The following CDKAL1 variants were observed in gnomAD, a reference collection of about 807,000 sequenced individuals.
CDKAL1 encodes CDKAL1 threonylcarbamoyladenosine tRNA methylthiotransferase.
CDKAL1 carries 32 observed loss-of-function variants against 68.2 expected under a neutral mutation model. The ratio of observed to expected loss-of-function variants is 0.47; its 90% CI spans 0.35 to 0.63. The LOEUF is 0.63. CDKAL1 is among the 30% of genes least tolerant of loss of function. The probability of loss-of-function intolerance (pLI) is 0.00; values close to 1 mark genes in which losing one functional copy is unlikely to be tolerated. For missense variants in CDKAL1, 606 were observed against 696.7 expected (o/e 0.87, Z 1.47); for synonymous variants, 234 against 244.3 (o/e 0.96, Z 0.39).
intron 9 of CDKAL1, among the ~76,000 whole-genome samples, chr6:20,937,857 G>A (rs1222823394): frequency 2.7e-5 from 2 of 72,916 alleles, no homozygotes; most frequent in East Asian, 1.1e-3. Context: ...CCACTGTGAG[G>A]TGGTTTTTTT....
chr6:21,156,278 G>T (rs1020189133), intron 13 of CDKAL1, among the ~76,000 whole-genome samples: 1 of 151,822 alleles, frequency 6.6e-6, no homozygotes, highest in Non-Finnish European at 1.5e-5. Flanking sequence ...TAAAAAATTA[G>T]CTGGGCATGG....
intron 13 of CDKAL1, among the ~76,000 whole-genome samples, chr6:21,183,579 A>C (rs937476113): frequency 2.0e-5 from 3 of 152,228 alleles, no homozygotes; most frequent in African/African-American, 7.2e-5. Context: ...AAAGACGTCC[A>C]GTAGTAATGT....
At chr6:21,197,800 A>G (rs1349077087) in intron 13 of CDKAL1, among the ~76,000 whole-genome samples, 2 of 152,364 alleles carry the variant, frequency 1.3e-5, no homozygotes, top group South Asian at 2.1e-4. Context: ...AGTTTATACT[A>G]TGCTAATTTT....
intron 13 of CDKAL1, among the ~76,000 whole-genome samples, chr6:21,168,418 A>T (rs371305177): frequency 1.2e-4 from 18 of 152,350 alleles, no homozygotes; most frequent in South Asian, 8.3e-4. Flanking sequence ...CTGTACAGGT[A>T]ACATATGGAA....
intron 11 of CDKAL1, among the ~76,000 whole-genome samples, chr6:21,012,753 T>C (rs796078004): frequency 7.2e-5 from 11 of 152,288 alleles, no homozygotes; most frequent in African/African-American, 2.6e-4. Flanking sequence ...CTGTTGCTCC[T>C]GTCTTCTGTG....
At chr6:20,652,536 A>G (rs1023972728) in intron 5 of CDKAL1, among the ~76,000 whole-genome samples, 1 of 152,064 alleles carries the variant, frequency 6.6e-6, no homozygotes, top group African/African-American at 2.4e-5. Context: ...CTCATTCCAT[A>G]TTTCCAACCT....
chr6:20,857,249 T>G (rs1400915382), intron 9 of CDKAL1, among the ~76,000 whole-genome samples: 1 of 152,214 alleles, frequency 6.6e-6, no homozygotes, highest in African/African-American at 2.4e-5. Context: ...TCCTCTTAGT[T>G]AATCATTTCT....
intron 11 of CDKAL1, among the ~76,000 whole-genome samples, chr6:21,003,369 T>TATATATAC (rs1767546311): frequency 2.1e-5 from 1 of 46,626 alleles, no homozygotes; most frequent in African/African-American, 8.8e-5. Context: ...TATATATATA[T>TATATATAC]ATACACACAC....
intron 11 of CDKAL1, among the ~76,000 whole-genome samples, chr6:21,027,136 A>T (rs1769007769): frequency 6.6e-6 from 1 of 151,978 alleles, no homozygotes. Flanking sequence ...CTACCTCCAG[A>T]TTGCTAAAAA....
intron 2 of CDKAL1, among the ~76,000 whole-genome samples, chr6:20,543,802 T>A (rs1175108803): frequency 6.9e-6 from 1 of 144,258 alleles, no homozygotes; most frequent in Non-Finnish European, 1.5e-5. Flanking sequence ...AGTGGTACAA[T>A]CTTGGCTTAC....
At chr6:21,160,781 A>G (rs988370833) in intron 13 of CDKAL1, among the ~76,000 whole-genome samples, 3 of 151,038 alleles carry the variant, frequency 2.0e-5, no homozygotes, top group African/African-American at 4.9e-5. Flanking sequence ...TACATGTGCC[A>G]TGGTGGTTTG....
chr6:21,014,128 A>G (rs1031580044), intron 11 of CDKAL1, among the ~76,000 whole-genome samples: 2 of 152,190 alleles, frequency 1.3e-5, no homozygotes, highest in Non-Finnish European at 2.9e-5. Context: ...TTGAAATTGT[A>G]CAGGACACTT....
At chr6:20,818,198 T>G (rs1288183294) in intron 8 of CDKAL1, among the ~76,000 whole-genome samples, 1 of 152,130 alleles carries the variant, frequency 6.6e-6, no homozygotes, top group Non-Finnish European at 1.5e-5. Flanking sequence ...TAGATTATGG[T>G]TTTTTGATAA....
Position 21,070,268 on chromosome 6 carries a change from A to C in CDKAL1, c.1236+5040A>C, listed in dbSNP as rs187990902. 7.9e-5 allele frequency among the ~76,000 whole-genome samples: 12 copies of C among 152,262 alleles called. No homozygotes were observed. In the East Asian group the frequency reaches 1.9e-3, roughly 24 times the overall value. On this transcript the variant is annotated intron_variant, in intron 12 of 15. Transcript: ENST00000274695. ...TTTCTCGGCCTGATCCTGCCATAAG[A>C]ATGTTAAGAATCCTATGGCCTCTTT...
At chr6:20,977,510 G>A (rs1765897492) in intron 10 of CDKAL1, among the ~76,000 whole-genome samples, 1 of 152,202 alleles carries the variant, frequency 6.6e-6, no homozygotes, top group African/African-American at 2.4e-5. Flanking sequence ...TAGAAGTGAT[G>A]AGAGAAGAGT....
chr6:21,209,372 C>T (rs1057223391), intron 15 of CDKAL1, among the ~76,000 whole-genome samples: 5 of 152,178 alleles, frequency 3.3e-5, no homozygotes, highest in African/African-American at 1.2e-4. Context: ...ACCAGGCCCC[C>T]GAGCCTGAAT....
At chr6:21,173,128 C>G (rs2151077332) in intron 13 of CDKAL1, among the ~76,000 whole-genome samples, 1 of 151,266 alleles carries the variant, frequency 6.6e-6, no homozygotes, top group African/African-American at 2.4e-5. Context: ...CCCACAACAC[C>G]CTTCTTTCCT....
chr6:20,721,621 T>C (rs190623453), intron 5 of CDKAL1, among the ~76,000 whole-genome samples: 40 of 152,250 alleles, frequency 2.6e-4, no homozygotes, highest in Admixed American at 4.6e-4. Context: ...TATTTTTAGT[T>C]TTTTGAGCAA....
chr6:20,920,187 G>A (rs1236405206), intron 9 of CDKAL1, among the ~76,000 whole-genome samples: 2 of 152,174 alleles, frequency 1.3e-5, no homozygotes, highest in Non-Finnish European at 2.9e-5. Flanking sequence ...AGTTAGCACT[G>A]TGAAGCATCT....
Sources: gnomAD v4.1 joint callset for allele counts (sites outside exome capture counted in the v4.1 genomes callset) on GRCh38, gnomAD v4.1.1 for gene constraint, MANE v1.5 for transcripts, NCBI Gene and HGNC (gene_info 2026-07-23, HGNC 2026-07-21) for gene names.